EPHB1: variants seen among roughly 807,000 people sequenced by gnomAD.
EPHB1 encodes EPH receptor B1, also known as ephrin type-B receptor 1.
A neutral mutation model predicts 94.4 loss-of-function variants in EPHB1; 30 were observed. The ratio of observed to expected loss-of-function variants is 0.32; its 90% CI spans 0.24 to 0.43. EPHB1 has a LOEUF of 0.43. EPHB1 is among the 20% of genes least tolerant of loss of function. The pLI is 1.00. For synonymous variants in EPHB1, 522 were observed against 489.1 expected, an observed-to-expected ratio of 1.07 and a Z score of -0.89; for missense variants, 1,055 against 1,308.3, an observed-to-expected ratio of 0.81 and a Z score of 2.99.
chr3:135,062,616 C>G (rs1937529712), intron 3 of EPHB1, among the ~76,000 whole-genome samples: 1 of 151,964 alleles, frequency 6.6e-6, no homozygotes, highest in Non-Finnish European at 1.5e-5. Flanking sequence ...ATTGTGAAGA[C>G]TTTTTCCCAC....
intron 3 of EPHB1, among the ~76,000 whole-genome samples, chr3:135,066,848 G>T (rs1378225405): frequency 3.9e-5 from 6 of 152,160 alleles, no homozygotes; most frequent in Non-Finnish European, 8.8e-5. Context: ...AGGGCTGAAG[G>T]CTGTTATTCA....
At chr3:134,972,477 A>G (rs1170965975) in intron 3 of EPHB1, among the ~76,000 whole-genome samples, 1 of 144,810 alleles carries the variant, frequency 6.9e-6, no homozygotes, top group Non-Finnish European at 1.5e-5. Context: ...TATATTAAAT[A>G]TATACTATAC....
At chr3:134,874,314 A>G (rs2037569760) in intron 1 of EPHB1, among the ~76,000 whole-genome samples, 1 of 152,138 alleles carries the variant, frequency 6.6e-6, no homozygotes, top group African/African-American at 2.4e-5. Context: ...GGAGTTGAAC[A>G]TTGAGAACAC....
intron 3 of EPHB1, among the ~76,000 whole-genome samples, chr3:134,992,110 T>A (rs189138502): frequency 1.3e-3 from 194 of 152,300 alleles, no homozygotes; most frequent in African/African-American, 4.4e-3. Flanking sequence ...TTTCCTTTTT[T>A]AGTTTTTTAA....
At chr3:135,030,525 T>G (rs2107759806) in intron 3 of EPHB1, among the ~76,000 whole-genome samples, 1 of 152,318 alleles carries the variant, frequency 6.6e-6, no homozygotes, top group African/African-American at 2.4e-5. Context: ...TGCCTCCCAG[T>G]TAGGCTGGTC....
intron 1 of EPHB1, among the ~76,000 whole-genome samples, chr3:134,846,963 T>G (rs2036885544): frequency 6.6e-6 from 1 of 152,188 alleles, no homozygotes; most frequent in Non-Finnish European, 1.5e-5. Context: ...TTCATTTCCT[T>G]CGGTGGCGGG....
chr3:135,177,927 G>A (rs1025708726), intron 9 of EPHB1, among the ~76,000 whole-genome samples: 13 of 152,058 alleles, frequency 8.5e-5, no homozygotes, highest in Non-Finnish European at 1.3e-4. Flanking sequence ...TCCTACACAC[G>A]CACATCCCTG....
intron 3 of EPHB1, among the ~76,000 whole-genome samples, chr3:135,001,005 TATC>T (rs1935153703): frequency 6.6e-6 from 1 of 152,202 alleles, no homozygotes; most frequent in Non-Finnish European, 1.5e-5. Context: ...ATGATTTGAT[TATC>T]ATCATGTGAG....
In EPHB1 at chr3:135,154,180, A is replaced by C; in HGVS notation, c.1326A>C (p.Gln442His). 6.2e-7 allele frequency: 1 copy of C among 1,613,924 alleles called. No individual in the cohort carries two copies. The highest frequency in any genetic ancestry group is 8.5e-7 in the Non-Finnish European group (1 of 1,179,862). ...AAPSTVPIMH[Q>H]VSATMRSITL... ...CCTCCACCGTTCCCATCATGCACCAAGTCAGTGCCACTATGAGGAGCATCA... is the reference window on the plus strand; with the variant it reads ...CCTCCACCGTTCCCATCATGCACCACGTCAGTGCCACTATGAGGAGCATCA... The change falls in exon 6 of 16, where the codon CAA (glutamine) becomes CAC (histidine). Residue 442 changes from glutamine (Q) to histidine (H), a missense_variant. Transcript: ENST00000398015.
chr3:134,905,942 T>G (rs2038315145), intron 1 of EPHB1, among the ~76,000 whole-genome samples: 1 of 152,176 alleles, frequency 6.6e-6, no homozygotes, highest in South Asian at 2.1e-4. Flanking sequence ...AGTATTGAAT[T>G]TTCTCTTGGC....
chr3:134,843,750 C>G (rs1045709435), intron 1 of EPHB1, among the ~76,000 whole-genome samples: 1 of 151,944 alleles, frequency 6.6e-6, no homozygotes, highest in African/African-American at 2.4e-5. Flanking sequence ...TAATTTCTGT[C>G]TTTTAAGAGA....
intron 3 of EPHB1, among the ~76,000 whole-genome samples, chr3:135,064,404 A>C (rs918089732): frequency 2.6e-5 from 4 of 151,996 alleles, no homozygotes; most frequent in Non-Finnish European, 5.9e-5. Flanking sequence ...TAGGGTATCT[A>C]ATTCTTCCTG....
chr3:134,929,532 G>GA, intron 2 of EPHB1, among the ~76,000 whole-genome samples: 1 of 152,258 alleles, frequency 6.6e-6, no homozygotes, highest in African/African-American at 2.4e-5. Flanking sequence ...GGTTGCACAG[G>GA]AAAAAATGGC....
chr3:135,015,189 G>A (rs1482033471), intron 3 of EPHB1, among the ~76,000 whole-genome samples: 8 of 151,740 alleles, frequency 5.3e-5, no homozygotes, highest in Admixed American at 3.3e-4. Context: ...CCGGACTGCC[G>A]CTTTCATCTC....
At chr3:134,822,600 A>T (rs2036402901) in intron 1 of EPHB1, among the ~76,000 whole-genome samples, 1 of 152,160 alleles carries the variant, frequency 6.6e-6, no homozygotes, top group Admixed American at 6.6e-5. Context: ...TCTATTGGTG[A>T]GCAAAGACCA....
At position 134,879,766 on chromosome 3, in the gene EPHB1, T is replaced by C. The variant is rs539078640; in HGVS notation, c.59-46050T>C. ...TAGAGATAAGACAGGTCTGTAGTGT[T>C]GCAGAAAGGTTTATATCAAAACCTA... On this transcript the variant is annotated intron_variant, in intron 1 of 15. Transcript: ENST00000398015. Among the ~76,000 whole-genome samples, 16 of 152,250 alleles carry C rather than the reference T, an allele frequency of 1.1e-4. No individual in the cohort carries two copies. The South Asian group carries it at 2.9e-3, about 28-fold the overall frequency.
At chr3:135,198,445 C>T (rs757204224) in intron 11 of EPHB1, among the ~76,000 whole-genome samples, 2 of 152,206 alleles carry the variant, frequency 1.3e-5, no homozygotes, top group South Asian at 2.1e-4. Context: ...ATGCTACCAA[C>T]ATTTGTGACT....
chr3:135,127,595 A>G (rs980511564), intron 4 of EPHB1, among the ~76,000 whole-genome samples: 2 of 152,160 alleles, frequency 1.3e-5, no homozygotes, highest in African/African-American at 4.8e-5. Flanking sequence ...AAGATTCCTG[A>G]TAAAGGAATT....
At chr3:134,923,458 G>T (rs373400865) in intron 1 of EPHB1, among the ~76,000 whole-genome samples, 4 of 152,082 alleles carry the variant, frequency 2.6e-5, no homozygotes, top group African/African-American at 7.2e-5. Context: ...GTGCTCCCAG[G>T]TCCCCCTCAT....
Sources: allele counts gnomAD v4.1 joint callset (sites outside exome capture counted in the v4.1 genomes callset), GRCh38; gene constraint gnomAD v4.1.1; transcripts MANE v1.5; gene names NCBI Gene and HGNC (gene_info 2026-07-23, HGNC 2026-07-21).